Variants in CSMD3 observed in about 807,000 individuals in gnomAD.
CSMD3 encodes the protein CUB and sushi domain-containing protein 3.
CSMD3 carries 177 observed loss-of-function variants against 435.2 expected under a neutral mutation model. The ratio of observed to expected loss-of-function variants is 0.41; its 90% CI spans 0.36 to 0.46. The LOEUF (loss-of-function observed/expected upper bound fraction) is 0.46, where lower values mean the gene tolerates loss of function less well. Among genes scored for constraint, CSMD3 ranks in the 20% least tolerant of loss-of-function variants. The pLI, the probability that CSMD3 is intolerant of heterozygous loss-of-function variation, is 0.34. For synonymous variants in CSMD3, 1,656 were observed against 1,520.5 expected (o/e 1.09, Z -2.07); for missense variants, 4,265 against 4,504.6 (o/e 0.95, Z 1.52).
chr8:113,389,819 G>A (rs2094454154), intron 1 of CSMD3, among the ~76,000 whole-genome samples: 1 of 151,660 alleles, frequency 6.6e-6, no homozygotes. Context: ...ATGGTCCTGG[G>A]ACAAATGATT....
intron 38 of CSMD3, among the ~76,000 whole-genome samples, chr8:112,360,660 T>C (rs1223707250): frequency 6.6e-6 from 1 of 151,900 alleles, no homozygotes; most frequent in Non-Finnish European, 1.5e-5. Flanking sequence ...ATTATTTTTG[T>C]ATATAATAAA....
chr8:112,609,057 C>T (rs1833023677), intron 22 of CSMD3, among the ~76,000 whole-genome samples: 1 of 151,418 alleles, frequency 6.6e-6, no homozygotes, highest in Admixed American at 6.6e-5. Flanking sequence ...AATGAAAAGA[C>T]AACACATGGT....
chr8:113,140,811 C>T (rs1054688987), intron 4 of CSMD3, among the ~76,000 whole-genome samples: 11 of 150,928 alleles, frequency 7.3e-5, no homozygotes, highest in Non-Finnish European at 1.0e-4. Flanking sequence ...AGAGGAAAGT[C>T]TCAAATCATT....
At chr8:112,480,950 A>G (rs1819577744) in intron 31 of CSMD3, among the ~76,000 whole-genome samples, 1 of 152,208 alleles carries the variant, frequency 6.6e-6, no homozygotes, top group Non-Finnish European at 1.5e-5. Flanking sequence ...ATTTAAAAAA[A>G]TTATCTTTTG....
rs2129722647 is a variant in CSMD3 at position 112,390,711 on chromosome 8, G to C, written c.5887C>G (p.Leu1963Val). ...PGYPEPYDNN[L>V]NCVWKITVPE... Reference sequence around the variant, plus strand: ...ACTGTGATCTTCCACACACAATTCAGATTGTTGTCATAAGGCTCAGGGTAT... The same window carrying C: ...ACTGTGATCTTCCACACACAATTCACATTGTTGTCATAAGGCTCAGGGTAT... Residue 1963 changes from leucine (L) to valine (V), a missense_variant, in exon 36 of 71, where the codon CTG becomes GTG. Leu to Val is a conservative substitution (Grantham distance 32). Around this residue, in one of 3 missense-constraint regions of CSMD3, gnomAD observed 3,255 missense variants for 3,380.2 expected, o/e 0.96. Coordinates refer to ENST00000297405, the MANE Select transcript of CSMD3 (RefSeq NM_198123.2). The C allele has an allele frequency of 6.2e-7, 1 of 1,612,918 alleles. No homozygotes were observed. The highest frequency in any genetic ancestry group is 1.3e-5 in the African/African-American group (1 of 75,006).
intron 5 of CSMD3, among the ~76,000 whole-genome samples, chr8:113,033,569 A>AT (rs1285513451): frequency 0.03 from 3,247 of 106,798 alleles, 61 homozygotes; most frequent in African/African-American, 0.075. Context: ...TTTGATTTTG[A>AT]TTTTTTTTTT....
chr8:113,015,583 T>C (rs922007733), intron 6 of CSMD3, among the ~76,000 whole-genome samples: 4 of 151,918 alleles, frequency 2.6e-5, no homozygotes, highest in Admixed American at 6.6e-5. Flanking sequence ...AATACAATTA[T>C]ATGAATGCCT....
intron 12 of CSMD3, among the ~76,000 whole-genome samples, chr8:112,817,446 G>C (rs553181707): frequency 2.1e-5 from 1 of 47,944 alleles, no homozygotes; most frequent in East Asian, 6.4e-4. Context: ...GAAAGAATCT[G>C]TGAAACAAAG....
rs140964913 is a variant in CSMD3, at chr8:113,040,768, G to A, written c.918-21589C>T. Among the ~76,000 whole-genome samples the A allele has an allele frequency of 1.1e-3, 166 of 152,144 alleles. 6 individuals carry two copies. Among genetic ancestry groups the A allele is most frequent in the Non-Finnish European group, 7.4e-4 (50 of 67,998 alleles). On this transcript the variant is annotated intron_variant, in intron 5 of 70. Transcript: ENST00000297405. ...ATATCAAATACACAGGTGGCTAAAG[G>A]AGTCACCAGTATATACATATGGTGT...
At chr8:113,055,119 T>C (rs1435587180) in intron 5 of CSMD3, among the ~76,000 whole-genome samples, 1 of 152,172 alleles carries the variant, frequency 6.6e-6, no homozygotes, top group African/African-American at 2.4e-5. Context: ...ACCATTGTAA[T>C]GTATGTTTTA....
At chr8:112,871,945 C>T (rs923550938) in intron 10 of CSMD3, among the ~76,000 whole-genome samples, 1 of 151,934 alleles carries the variant, frequency 6.6e-6, no homozygotes, top group Non-Finnish European at 1.5e-5. Flanking sequence ...TGTCAGAATT[C>T]ATTTTATTCT....
At chr8:113,127,553 A>G (rs2091169584) in intron 4 of CSMD3, among the ~76,000 whole-genome samples, 1 of 151,884 alleles carries the variant, frequency 6.6e-6, no homozygotes, top group African/African-American at 2.4e-5. Context: ...AGTCCTACTC[A>G]TTCTATCCTC....
At chr8:112,300,944 A>G (rs1424982149) in intron 53 of CSMD3, among the ~76,000 whole-genome samples, 1 of 152,140 alleles carries the variant, frequency 6.6e-6, no homozygotes, top group African/African-American at 2.4e-5. Context: ...ACACTGTACA[A>G]ATTTTGCCGT....
intron 5 of CSMD3, among the ~76,000 whole-genome samples, chr8:113,074,166 GACACAC>G (rs5894124): frequency 4.7e-5 from 7 of 149,104 alleles, no homozygotes; most frequent in Admixed American, 1.3e-4. Flanking sequence ...CACACACAGA[GACACAC>G]ACACACACAC....
intron 54 of CSMD3, 91 bp downstream of exon 54, chr8:112,295,742 C>G: frequency 9.3e-7 from 1 of 1,079,744 alleles, no homozygotes; most frequent in Admixed American, 2.0e-5. Context: ...ATATATATAA[C>G]AACATAATAT....
chr8:112,371,714 C>A (rs2131182690), intron 38 of CSMD3, among the ~76,000 whole-genome samples: 1 of 151,918 alleles, frequency 6.6e-6, no homozygotes, highest in Admixed American at 6.6e-5. Context: ...ATGGTGAAAC[C>A]CTGTCTCTAC....
intron 31 of CSMD3, among the ~76,000 whole-genome samples, chr8:112,483,483 G>A (rs879510924): frequency 4.7e-5 from 7 of 149,752 alleles, no homozygotes; most frequent in South Asian, 2.1e-4. Flanking sequence ...ACTCCACCTC[G>A]AAAAAAAAAG....
Position 112,237,185 on chromosome 8 carries a change from G to A in CSMD3, c.10627+5C>T, listed in dbSNP as rs775077628. The A allele has an allele frequency of 9.9e-6, 16 of 1,613,034 alleles. No individual in the cohort carries two copies. Among genetic ancestry groups the A allele is most frequent in the African/African-American group, 8.0e-5 (6 of 74,858 alleles). ...TATATTTCGCTGCTGTTTTTATTGC[G>A]ATACCTGAAAGTAGCAGCTCCATGT... is the stretch of plus-strand genomic sequence containing the variant. On this transcript the variant is annotated splice_donor_5th_base_variant and intron_variant, in intron 67 of 70. Transcript: ENST00000297405.
At chr8:112,326,015 A>G (rs1238820220) in intron 45 of CSMD3, among the ~76,000 whole-genome samples, 1 of 152,168 alleles carries the variant, frequency 6.6e-6, no homozygotes, top group Non-Finnish European at 1.5e-5. Context: ...TATTTCTTCA[A>G]GATATTTGAC....
Sources: allele counts gnomAD v4.1 joint callset (sites outside exome capture counted in the v4.1 genomes callset), GRCh38; gene constraint gnomAD v4.1.1; regional missense constraint gnomAD v4.1.1; transcripts MANE v1.5; gene names NCBI Gene and HGNC (gene_info 2026-07-23, HGNC 2026-07-21).